SHCBP1: variants seen among roughly 807,000 people sequenced by gnomAD.
SHCBP1 encodes the protein SHC SH2 domain-binding protein 1.
SHCBP1 carries 60 observed loss-of-function variants against 75.1 expected under a neutral mutation model. The observed-to-expected ratio is 0.80, with a 90% CI of 0.65 to 0.99. The LOEUF is 0.99. SHCBP1 is among the 50% of genes least tolerant of loss of function. SHCBP1 has a pLI of 0.00. For synonymous variants in SHCBP1, 290 were observed against 293.2 expected (o/e 0.99, Z 0.11); for missense variants, 709 against 809.4 (o/e 0.88, Z 1.50).
At position 46,599,960 on chromosome 16, in the gene SHCBP1, A is replaced by G; in HGVS notation, c.1216T>C (p.Tyr406His). 2 of 1,613,144 alleles carry G rather than the reference A, an allele frequency of 1.2e-6. No homozygotes were observed. The highest frequency in any genetic ancestry group is 2.2e-5 in the East Asian group (1 of 44,814). Residue 406 changes from tyrosine (Y) to histidine (H), a missense_variant and splice_region_variant, in exon 9 of 13, where the codon TAT becomes CAT. Transcript: ENST00000303383. ...SIADSIELEG[Y>H]GLPDDIVIEK... Reference sequence around the variant, plus strand: ...ATCACAATGTCATCTGGTAGGCCATATCCTAAGGAAGAGAGAGCAACAACA... The same window carrying G: ...ATCACAATGTCATCTGGTAGGCCATGTCCTAAGGAAGAGAGAGCAACAACA...
chr16:46,609,910 AC>A (rs1170048583), intron 4 of SHCBP1, among the ~76,000 whole-genome samples: 1 of 151,644 alleles, frequency 6.6e-6, no homozygotes, highest in Non-Finnish European at 1.5e-5. Context: ...TCTCTGCCTC[AC>A]CCAGGCACCC....
In SHCBP1 at chr16:46,608,340, C is replaced by A; in HGVS notation, c.646G>T (p.Glu216Ter). Residue 216 changes from glutamate to a stop codon, truncating the protein, a stop_gained, in exon 5 of 13, where the codon GAA becomes TAA. Transcript: ENST00000303383. LOFTEE classifies it high-confidence loss of function. The part of the protein sequence containing the change: ...WRSWDEEEED[E>*]YDYFVRCVEP... ...ACACATCTGACAAAATAATCGTATT[C>A]ATCCTCCTCTTCTTCATCCCAACTC... 1 of 1,613,816 alleles carries A rather than the reference C, an allele frequency of 6.2e-7. No individual in the cohort carries two copies. The highest frequency in any genetic ancestry group is 8.5e-7 in the Non-Finnish European group (1 of 1,179,844).
chr16:46,592,283 C>A (rs55658937), intron 10 of SHCBP1, among the ~76,000 whole-genome samples: 1 of 151,824 alleles, frequency 6.6e-6, no homozygotes, highest in Non-Finnish European at 1.5e-5. Flanking sequence ...TACTATATAC[C>A]CTGCAGATAT....
At chr16:46,601,236 G>C (rs1965231528) in intron 8 of SHCBP1, among the ~76,000 whole-genome samples, 1 of 151,978 alleles carries the variant, frequency 6.6e-6, no homozygotes, top group African/African-American at 2.4e-5. Flanking sequence ...TTGAACCCAG[G>C]AGACAGAGGC....
chr16:46,610,369 TCA>T (rs1209301260), intron 4 of SHCBP1, among the ~76,000 whole-genome samples: 1 of 152,028 alleles, frequency 6.6e-6, no homozygotes, highest in Non-Finnish European at 1.5e-5. Context: ...TGCTGCTCTT[TCA>T]CAGTTGACTT....
At chr16:46,605,014 T>C (rs1225813130) in intron 5 of SHCBP1, among the ~76,000 whole-genome samples, 2 of 152,176 alleles carry the variant, frequency 1.3e-5, no homozygotes, top group African/African-American at 4.8e-5. Context: ...TAAAGCACTA[T>C]GGCACAAAAT....
chr16:46,581,641 A>G lies in SHCBP1; in HGVS notation c.*88T>C. 8.3e-7 allele frequency: 1 copy of G among 1,198,850 alleles called. No individual in the cohort carries two copies. Among genetic ancestry groups the G allele is most frequent in the South Asian group, 1.5e-5 (1 of 67,674 alleles). The allele number at this position is 1,198,850 out of a possible 1,614,324, so 74.3% of individuals were successfully genotyped here. On this transcript the variant is annotated 3_prime_UTR_variant, in exon 13 of 13. Coordinates refer to ENST00000303383, the MANE Select transcript of SHCBP1 (RefSeq NM_024745.5). ...CCAAATAATCAAATATAAAATACAG[A>G]CAATACAGCAAACTACAATGGCAGC...
At chr16:46,590,442 T>A (rs570864105) in intron 10 of SHCBP1, among the ~76,000 whole-genome samples, 1 of 152,124 alleles carries the variant, frequency 6.6e-6, no homozygotes, top group East Asian at 1.9e-4. Context: ...ATATCCAGAA[T>A]CTACAAAGAA....
intron 4 of SHCBP1, among the ~76,000 whole-genome samples, chr16:46,613,806 C>T (rs752010578): frequency 6.6e-6 from 1 of 152,178 alleles, no homozygotes; most frequent in Admixed American, 6.5e-5. Context: ...AGACATACCC[C>T]ATCCTTGACT....
chr16:46,615,997 A>G lies in SHCBP1; in HGVS notation c.545T>C (p.Phe182Ser). 1.2e-6 allele frequency: 2 copies of G among 1,614,122 alleles called. No homozygotes were observed. Among genetic ancestry groups the G allele is most frequent in the South Asian group, 1.1e-5 (1 of 91,078 alleles). The change falls in exon 4 of 13, where the codon TTT (phenylalanine) becomes TCT (serine). Residue 182 changes from phenylalanine (F) to serine (S), a missense_variant. By Grantham distance (155) the Phe-to-Ser change is radical. Coordinates refer to ENST00000303383, the MANE Select transcript of SHCBP1 (RefSeq NM_024745.5). ...RLPLQELWVV[F>S]DDSGVFDQTA... Reference sequence around the variant, plus strand: ...CTGGTCAAACACTCCTGAATCATCAAACACCACCCACAGCTCCTGCAGGGG... The same window carrying G: ...CTGGTCAAACACTCCTGAATCATCAGACACCACCCACAGCTCCTGCAGGGG...
chr16:46,621,188 C>T, intron 1 of SHCBP1, 69 bp downstream of exon 1: 1 of 1,451,314 alleles, frequency 6.9e-7, no homozygotes, highest in South Asian at 1.2e-5. Flanking sequence ...CCCAGGCGCC[C>T]TCCTAGGGTC....
chr16:46,583,695 A>T, intron 11 of SHCBP1, 38 bp from the exon 12 acceptor site: 1 of 1,579,716 alleles, frequency 6.3e-7, no homozygotes, highest in Non-Finnish European at 8.5e-7. Context: ...GAACTGTCAT[A>T]TTCAACATTT....
intron 5 of SHCBP1, among the ~76,000 whole-genome samples, chr16:46,607,661 G>A (rs986513085): frequency 6.6e-6 from 1 of 152,012 alleles, no homozygotes; most frequent in Non-Finnish European, 1.5e-5. Context: ...TATTATTGCA[G>A]CATTGCCTAT....
chr16:46,599,980 A>G lies in SHCBP1; in HGVS notation c.1214-18T>C, dbSNP rs1440167147. Reference sequence around the variant, plus strand: ...GCCATATCCTAAGGAAGAGAGAGCAACAACACTCAAGATGGGTGAGGAAAA... The same window carrying G: ...GCCATATCCTAAGGAAGAGAGAGCAGCAACACTCAAGATGGGTGAGGAAAA... On this transcript the variant is annotated intron_variant, in intron 8 of 12. Transcript: ENST00000303383. 14 of 1,611,740 alleles carry G rather than the reference A, an allele frequency of 8.7e-6. No individual in the cohort carries two copies. The highest frequency in any genetic ancestry group is 1.2e-5 in the Non-Finnish European group (14 of 1,179,276).
intron 12 of SHCBP1, among the ~76,000 whole-genome samples, chr16:46,582,393 C>T (rs1424205904): frequency 6.6e-6 from 1 of 152,242 alleles, no homozygotes; most frequent in African/African-American, 2.4e-5. Flanking sequence ...CCTGGTATTA[C>T]TTTCATGCCT....
At chr16:46,603,900 T>G in intron 7 of SHCBP1, 75 bp downstream of exon 7, 1 of 1,525,838 alleles carries the variant, frequency 6.6e-7, no homozygotes, top group Non-Finnish European at 8.8e-7. Context: ...CTGTAAATAC[T>G]TTGTGGGATT....
At chr16:46,601,545 G>C (rs117553648) in intron 8 of SHCBP1, among the ~76,000 whole-genome samples, 1 of 152,046 alleles carries the variant, frequency 6.6e-6, no homozygotes, top group African/African-American at 2.4e-5. Context: ...AAGCAAAGCC[G>C]CTCAATGTAT....
At position 46,581,841 on chromosome 16, in the gene SHCBP1, A is replaced by T. The variant is rs138129923; in HGVS notation, c.1907T>A (p.Leu636Gln). ...GQIKKKRLSE[L>Q]GITQADDNLM... is the part of the protein sequence containing the mutation. ...GTTGTCATCAGCTTGCGTGATCCCC[A>T]GTTCACTCAACCTTTTCTTCTTTAT... Residue 636 changes from leucine (L) to glutamine (Q), a missense_variant, in exon 13 of 13, where the codon CTG (leucine) becomes CAG (glutamine). Transcript: ENST00000303383. The T allele has an allele frequency of 5.3e-5, 86 of 1,614,152 alleles. No homozygotes were observed. In the African/African-American group the frequency reaches 9.1e-4, roughly 17 times the overall value.
chr16:46,594,321 A>C (rs1312987733), intron 10 of SHCBP1, among the ~76,000 whole-genome samples: 1 of 152,202 alleles, frequency 6.6e-6, no homozygotes, highest in African/African-American at 2.4e-5. Context: ...ACAGAGTGGC[A>C]AAAAATGTCT....
Sources: gnomAD v4.1 joint callset for allele counts (sites outside exome capture counted in the v4.1 genomes callset) on GRCh38, gnomAD v4.1.1 for gene constraint, MANE v1.5 for transcripts, NCBI Gene and HGNC (gene_info 2026-07-23, HGNC 2026-07-21) for gene names.